CLEC16A: variants seen among roughly 807,000 people sequenced by gnomAD.
CLEC16A encodes the protein protein CLEC16A.
Under a neutral mutation model 109.5 loss-of-function variants are expected in CLEC16A, and 51 were observed. The observed-to-expected ratio is 0.47, with a 90% CI of 0.37 to 0.59. CLEC16A has a LOEUF of 0.59. CLEC16A is among the 20% of genes least tolerant of loss of function. The pLI is 0.00. For missense variants in CLEC16A, 1,339 were observed against 1,394.0 expected, an observed-to-expected ratio of 0.96 and a Z score of 0.63; for synonymous variants, 673 against 564.2, an observed-to-expected ratio of 1.19 and a Z score of -2.73.
At chr16:11,136,181 C>T (rs1357532316) in intron 22 of CLEC16A, 1 of 152,234 alleles carries the variant, frequency 6.6e-6, no homozygotes, top group Non-Finnish European at 1.5e-5. Flanking sequence ...TGTTAGGTGG[C>T]CTTGACCCAT....
At chr16:10,956,804 A>G (rs1418000529) in intron 1 of CLEC16A, among the ~76,000 whole-genome samples, 1 of 151,882 alleles carries the variant, frequency 6.6e-6, no homozygotes, top group Non-Finnish European at 1.5e-5. Flanking sequence ...TTATTTATTT[A>G]TTTATTTATT....
chr16:11,101,852 G>T (rs1234077803), intron 19 of CLEC16A, among the ~76,000 whole-genome samples: 1 of 151,210 alleles, frequency 6.6e-6, no homozygotes, highest in African/African-American at 2.4e-5. Context: ...GCCCAAGTTG[G>T]AGTGCAGTGA....
At chr16:11,154,959 C>A (rs1235712211) in intron 22 of CLEC16A, among the ~76,000 whole-genome samples, 1 of 151,666 alleles carries the variant, frequency 6.6e-6, no homozygotes, top group Non-Finnish European at 1.5e-5. Context: ...CCCACCACTA[C>A]AAAAAACAGA....
intron 19 of CLEC16A, among the ~76,000 whole-genome samples, chr16:11,080,455 G>A (rs1478143080): frequency 6.6e-6 from 1 of 152,210 alleles, no homozygotes; most frequent in Non-Finnish European, 1.5e-5. Flanking sequence ...CAGGCAGAGG[G>A]GGCATCTGCA....
chr16:11,161,850 TATAAC>T (rs1464352114), intron 22 of CLEC16A, among the ~76,000 whole-genome samples: 5 of 152,170 alleles, frequency 3.3e-5, no homozygotes, highest in Non-Finnish European at 7.3e-5. Flanking sequence ...CAAACACACA[TATAAC>T]ATAAATAAGC....
chr16:11,021,324 CT>C (rs2046085953), intron 12 of CLEC16A, among the ~76,000 whole-genome samples: 4 of 152,140 alleles, frequency 2.6e-5, no homozygotes, highest in Admixed American at 2.0e-4. Context: ...GTACAAAGAC[CT>C]TTTAGATTTT....
chr16:11,058,404 G>A (rs183951934), intron 18 of CLEC16A, among the ~76,000 whole-genome samples: 159 of 152,164 alleles, frequency 1.0e-3, no homozygotes, highest in African/African-American at 3.7e-3. Context: ...ACTTTAAATC[G>A]TCTCTAGATT....
At chr16:11,030,730 C>T (rs1192792856) in intron 13 of CLEC16A, among the ~76,000 whole-genome samples, 16 of 152,266 alleles carry the variant, frequency 1.1e-4, no homozygotes, top group Non-Finnish European at 2.2e-4. Context: ...CTGCAACCTC[C>T]GCCTCCCAGG....
chr16:11,113,142 A>G (rs1261068993), intron 19 of CLEC16A, among the ~76,000 whole-genome samples: 1 of 152,234 alleles, frequency 6.6e-6, no homozygotes, highest in Non-Finnish European at 1.5e-5. Context: ...GGGTGCTGTC[A>G]GAGAGCTCTT....
intron 12 of CLEC16A, 137 bp from the exon 13 acceptor site, chr16:11,024,684 G>A (rs929974730): frequency 5.2e-5 from 33 of 640,722 alleles, no homozygotes; most frequent in African/African-American, 1.1e-4. Flanking sequence ...TCCTCAGTGC[G>A]TGGTGCTGGA....
intron 22 of CLEC16A, among the ~76,000 whole-genome samples, chr16:11,131,137 G>T (rs574835711): frequency 2.0e-5 from 3 of 152,202 alleles, no homozygotes; most frequent in Non-Finnish European, 4.4e-5. Flanking sequence ...TGGCCAAGGA[G>T]GGGGGTCAGT....
chr16:11,027,653 C>T (rs2046489559), intron 13 of CLEC16A: 2 of 1,546,458 alleles, frequency 1.3e-6, no homozygotes, highest in Non-Finnish European at 8.8e-7. Flanking sequence ...GCCCTTTCCA[C>T]CTCTCAGTGG....
Position 11,178,448 on chromosome 16 carries a change from G to A in CLEC16A, c.2920G>A (p.Val974Met), listed in dbSNP as rs74163628. 4.8e-4 allele frequency: 767 copies of A among 1,613,530 alleles called. No individual in the cohort carries two copies. The highest frequency in any genetic ancestry group is 5.7e-4 in the South Asian group (52 of 91,086). ...PSKNVARSAA[V>M]ETASLSPSLV... ...CAAGAACGTGGCCAGGAGCGCAGCCGTGGAGACAGCCAGCCTGTCCCCCAG... is the reference window on the plus strand; with the variant it reads ...CAAGAACGTGGCCAGGAGCGCAGCCATGGAGACAGCCAGCCTGTCCCCCAG... Residue 974 changes from valine to methionine, a missense_variant, in exon 24 of 24, where the codon GTG becomes ATG. Physicochemically the swap from Val to Met is conservative, Grantham distance 21 (BLOSUM62 1). This residue lies in a region of CLEC16A where 1,061 missense variants were observed against 1,006.8 expected (regional missense o/e 1.05). Transcript: ENST00000409790. The surrounding 1 kb of genome is among the most constrained non-coding windows in gnomAD (Gnocchi z 6.5).
chr16:11,131,514 C>T (rs1434117867), intron 22 of CLEC16A, among the ~76,000 whole-genome samples: 2 of 152,186 alleles, frequency 1.3e-5, no homozygotes, highest in Non-Finnish European at 2.9e-5. Flanking sequence ...AGGTGTTACC[C>T]TGGTGGGTTG....
At chr16:10,989,642 G>A (rs1280378489) in intron 10 of CLEC16A, among the ~76,000 whole-genome samples, 1 of 152,184 alleles carries the variant, frequency 6.6e-6, no homozygotes, top group African/African-American at 2.4e-5. Flanking sequence ...CTCCACATAA[G>A]GACATTGACA....
chr16:10,990,937 G>T (rs1306176164), intron 10 of CLEC16A, among the ~76,000 whole-genome samples: 1 of 152,160 alleles, frequency 6.6e-6, no homozygotes, highest in Non-Finnish European at 1.5e-5. Flanking sequence ...ACCTGATTTT[G>T]AGTTACCTGA....
chr16:11,155,618 A>G (rs1031963971), intron 22 of CLEC16A, among the ~76,000 whole-genome samples: 1 of 151,970 alleles, frequency 6.6e-6, no homozygotes, highest in Non-Finnish European at 1.5e-5. Context: ...CTCCGCACAT[A>G]CTCCCTGATT....
rs1257659742 is a variant in CLEC16A, at chr16:11,179,900, T to A, written c.*1210T>A. On this transcript the variant is annotated 3_prime_UTR_variant, in exon 24 of 24. Transcript: ENST00000409790. ...GGGTGTGTACAAGCAAGGACCCAGA[T>A]GCATCAGACACAGCCCCCAAGATGT... The A allele has an allele frequency of 1.3e-5, 2 of 152,562 alleles. No homozygotes were observed. The highest frequency in any genetic ancestry group is 2.9e-5 in the Non-Finnish European group (2 of 68,294). The allele number at this position is 152,562 out of a possible 1,614,324, so 9.5% of individuals were successfully genotyped here. A position where few individuals can be genotyped will look rare whatever the true frequency, so the allele number is the denominator to read the frequency against.
At chr16:11,125,613 G>A (rs572844312) in intron 21 of CLEC16A, among the ~76,000 whole-genome samples, 2 of 152,256 alleles carry the variant, frequency 1.3e-5, no homozygotes, top group Non-Finnish European at 2.9e-5. Flanking sequence ...GGGCAGACTC[G>A]GCCCCACTCG....
Sources: gnomAD v4.1 joint callset for allele counts (sites outside exome capture counted in the v4.1 genomes callset) on GRCh38, gnomAD v4.1.1 for gene constraint, gnomAD v4.1.1 regional missense constraint, Gnocchi (gnomAD v3.1) non-coding constraint, MANE v1.5 for transcripts, NCBI Gene and HGNC (gene_info 2026-07-23, HGNC 2026-07-21) for gene names.